Variants in SIAH3 observed in about 807,000 individuals in gnomAD.
The protein encoded by SIAH3 is siah E3 ubiquitin protein ligase family member 3, also known as seven in absentia homolog 3.
Under a neutral mutation model 12.6 loss-of-function variants are expected in SIAH3, and 9 were observed. The observed-to-expected ratio is 0.72, with a 90% confidence interval of 0.43 to 1.25. The LOEUF is 1.25. SIAH3 is among the 50% of genes most tolerant of loss of function. The probability of loss-of-function intolerance (pLI) is 0.00; values close to 1 mark genes in which losing one functional copy is unlikely to be tolerated. For missense variants in SIAH3, 390 were observed against 365.4 expected (o/e 1.07, Z -0.55); for synonymous variants, 154 against 151.1 (o/e 1.02, Z -0.14).
intron 1 of SIAH3, among the ~76,000 whole-genome samples, chr13:45,838,983 G>A (rs1273232105): frequency 1.3e-5 from 2 of 152,040 alleles, no homozygotes; most frequent in Non-Finnish European, 2.9e-5. Context: ...GGGCATAAGG[G>A]GAAGCGTTTA....
intron 1 of SIAH3, among the ~76,000 whole-genome samples, chr13:45,785,038 A>G (rs1950523346): frequency 6.6e-6 from 1 of 152,218 alleles, no homozygotes; most frequent in African/African-American, 2.4e-5. Flanking sequence ...TTTTCAGTTG[A>G]AGAAACAGGC....
chr13:45,805,430 T>C (rs1372011311), intron 1 of SIAH3, among the ~76,000 whole-genome samples: 1 of 152,068 alleles, frequency 6.6e-6, no homozygotes, highest in Admixed American at 6.6e-5. Context: ...GCTGCACAAT[T>C]ACAATAATCT....
chr13:45,795,903 G>T (rs1348178000), intron 1 of SIAH3, among the ~76,000 whole-genome samples: 1 of 151,770 alleles, frequency 6.6e-6, no homozygotes, highest in African/African-American at 2.4e-5. Flanking sequence ...AAAAGAATGA[G>T]CTACTGCTAT....
At position 45,847,225 on chromosome 13, in the gene SIAH3, T is replaced by C. The variant is rs906085729; in HGVS notation, c.135+4270A>G. 3.9e-5 allele frequency among the ~76,000 whole-genome samples: 6 copies of C among 152,116 alleles called. No homozygotes were observed. In the South Asian group the frequency reaches 1.0e-3, roughly 26 times the overall value. ...TCTTGTTGGAAGCCTTTAACTGCTGTAAAGTAGGTATTCACGCAGAACACT... is the reference window on the plus strand; with the variant it reads ...TCTTGTTGGAAGCCTTTAACTGCTGCAAAGTAGGTATTCACGCAGAACACT... On this transcript the variant is annotated intron_variant, in intron 1 of 1. Coordinates refer to ENST00000400405, the MANE Select transcript of SIAH3 (RefSeq NM_198849.3).
Position 45,781,363 on chromosome 13 carries a change from G to A in SIAH3, c.*2020C>T, listed in dbSNP as rs2137544783. 6.6e-6 allele frequency: 1 copy of A among 152,378 alleles called. No homozygotes were observed. Among genetic ancestry groups the A allele is most frequent in the South Asian group, 2.1e-4 (1 of 4,824 alleles). The allele number at this position is 152,378 out of a possible 1,614,324, so 9.4% of individuals were successfully genotyped here. On this transcript the variant is annotated 3_prime_UTR_variant, in exon 2 of 2. Coordinates refer to ENST00000400405, the MANE Select transcript of SIAH3 (RefSeq NM_198849.3). ...AAGGCATAAGACTTACAGCCAAGGG[G>A]GTCTTAGGTTCTGGGAAGGGGATTG...
At chr13:45,797,334 C>T (rs922849227) in intron 1 of SIAH3, among the ~76,000 whole-genome samples, 2 of 152,138 alleles carry the variant, frequency 1.3e-5, no homozygotes, top group African/African-American at 4.8e-5. Context: ...ATTGCTCCAG[C>T]CTGCATAATG....
chr13:45,839,280 A>G (rs1175201750), intron 1 of SIAH3, among the ~76,000 whole-genome samples: 11 of 151,640 alleles, frequency 7.3e-5, no homozygotes, highest in Admixed American at 7.2e-4. Flanking sequence ...GTTTCATAGT[A>G]TCTGGATGCT....
At chr13:45,834,728 G>C (rs1030829531) in intron 1 of SIAH3, among the ~76,000 whole-genome samples, 1 of 152,160 alleles carries the variant, frequency 6.6e-6, no homozygotes, top group Non-Finnish European at 1.5e-5. Context: ...TGACCGTCTT[G>C]TGCAGGTACC....
intron 1 of SIAH3, among the ~76,000 whole-genome samples, chr13:45,822,636 T>C (rs1254996930): frequency 1.4e-5 from 2 of 142,102 alleles, no homozygotes; most frequent in Non-Finnish European, 1.5e-5. Context: ...TATTTTCTTA[T>C]ATTTTTGATT....
chr13:45,826,181 T>C (rs1331354540), intron 1 of SIAH3, among the ~76,000 whole-genome samples: 1 of 152,236 alleles, frequency 6.6e-6, no homozygotes, highest in Non-Finnish European at 1.5e-5. Flanking sequence ...TTACCTGATA[T>C]ATTTATTTAC....
intron 1 of SIAH3, among the ~76,000 whole-genome samples, chr13:45,807,726 G>A (rs1950602874): frequency 6.6e-6 from 1 of 152,176 alleles, no homozygotes; most frequent in Non-Finnish European, 1.5e-5. Context: ...ACTCTCAGTG[G>A]TGTCAATATG....
At chr13:45,785,832 T>C (rs1950526233) in intron 1 of SIAH3, among the ~76,000 whole-genome samples, 1 of 152,156 alleles carries the variant, frequency 6.6e-6, no homozygotes, top group Non-Finnish European at 1.5e-5. Flanking sequence ...CTGGTTCCCC[T>C]TCCCCAAGGT....
At position 45,780,108 on chromosome 13, in the gene SIAH3, A is replaced by G. The variant is rs748692392; in HGVS notation, c.*3275T>C. On this transcript the variant is annotated 3_prime_UTR_variant, in exon 2 of 2. Transcript: ENST00000400405. ...TCATTAACTCTTGCACCTTGGTGTG[A>G]ATGAGGCAACCAGATCCCAGCGTTC... 5 of 152,186 alleles carry G rather than the reference A, an allele frequency of 3.3e-5. No individual in the cohort carries two copies. Among genetic ancestry groups the G allele is most frequent in the Non-Finnish European group, 7.3e-5 (5 of 68,038 alleles). The allele number at this position is 152,186 out of a possible 1,614,324, so 9.4% of individuals were successfully genotyped here.
chr13:45,790,073 C>A (rs1401752181), intron 1 of SIAH3, among the ~76,000 whole-genome samples: 1 of 152,166 alleles, frequency 6.6e-6, no homozygotes, highest in Admixed American at 6.5e-5. Context: ...TGTCCAGCTG[C>A]TAAGTCAGGA....
intron 1 of SIAH3, among the ~76,000 whole-genome samples, chr13:45,835,008 T>A (rs1950713083): frequency 6.6e-6 from 1 of 152,198 alleles, no homozygotes; most frequent in South Asian, 2.1e-4. Context: ...CCTTTAATTA[T>A]TAAAGGGCCC....
chr13:45,820,819 C>T (rs1443457951), intron 1 of SIAH3, among the ~76,000 whole-genome samples: 1 of 152,198 alleles, frequency 6.6e-6, no homozygotes. Flanking sequence ...CAGCTCCTGG[C>T]ACTTGCTTCC....
intron 1 of SIAH3, among the ~76,000 whole-genome samples, chr13:45,816,987 C>T (rs536980055): frequency 1.3e-5 from 2 of 152,252 alleles, no homozygotes; most frequent in African/African-American, 4.8e-5. Flanking sequence ...TGTTTACTCT[C>T]CTTACTAGCT....
chr13:45,820,302 G>A (rs1008044795), intron 1 of SIAH3, among the ~76,000 whole-genome samples: 1 of 152,142 alleles, frequency 6.6e-6, no homozygotes, highest in Non-Finnish European at 1.5e-5. Context: ...AAGCTTTGAC[G>A]AGTGAGCCAG....
chr13:45,850,625 A>G (rs1463788068), intron 1 of SIAH3, among the ~76,000 whole-genome samples: 1 of 150,092 alleles, frequency 6.7e-6, no homozygotes, highest in African/African-American at 2.5e-5. Context: ...ACCCCTAACC[A>G]GTGGCCCATC....
Sources: gnomAD v4.1 joint callset for allele counts (sites outside exome capture counted in the v4.1 genomes callset) on GRCh38, gnomAD v4.1.1 for gene constraint, MANE v1.5 for transcripts, NCBI Gene and HGNC (gene_info 2026-07-23, HGNC 2026-07-21) for gene names.